The following LYST variants were observed in gnomAD, a reference collection of about 807,000 sequenced individuals.
LYST encodes the protein lysosomal-trafficking regulator.
Under a neutral mutation model 413.6 loss-of-function variants are expected in LYST, and 192 were observed. That is an observed-to-expected ratio of 0.46 (90% CI 0.41 to 0.52). LYST has a LOEUF of 0.52. Among genes scored for constraint, LYST ranks in the 20% least tolerant of loss-of-function variants. The probability of loss-of-function intolerance (pLI) is 0.00; values close to 1 mark genes in which losing one functional copy is unlikely to be tolerated. For missense variants in LYST, 3,815 were observed against 4,499.9 expected, an observed-to-expected ratio of 0.85 and a Z score of 4.35; for synonymous variants, 1,525 against 1,567.3, an observed-to-expected ratio of 0.97 and a Z score of 0.64.
chr1:235,864,545 TC>T (rs1262056097), intron 1 of LYST, among the ~76,000 whole-genome samples: 1 of 152,192 alleles, frequency 6.6e-6, no homozygotes, highest in Non-Finnish European at 1.5e-5. Context: ...GGGCAACAGT[TC>T]CGGATTGGTA....
chr1:235,717,366 G>A (rs181571082), intron 40 of LYST, among the ~76,000 whole-genome samples: 1 of 152,196 alleles, frequency 6.6e-6, no homozygotes, highest in Non-Finnish European at 1.5e-5. Flanking sequence ...TGTAGAGTAT[G>A]TATGCATGCG....
rs764206410 is a variant in LYST, at chr1:235,808,992, T to A, written c.1826A>T (p.Gln609Leu). The change falls in exon 5 of 53, where the codon CAG becomes CTG. Residue 609 changes from glutamine (Q) to leucine (L), a missense_variant. Coordinates refer to ENST00000389793, the MANE Select transcript of LYST (RefSeq NM_000081.4). ...FKLPALKNFQ[Q>L]HILNILNKLI... ...TTTGTTAAGGATATTCAATATATGC[T>A]GCTGAAAATTTTTCAGTGCTGGCAA... is the stretch of plus-strand genomic sequence containing the variant. 2.5e-6 allele frequency: 4 copies of A among 1,613,982 alleles called. No homozygotes were observed. Among genetic ancestry groups the A allele is most frequent in the East Asian group, 2.2e-5 (1 of 44,896 alleles).
chr1:235,809,263 G>T lies in LYST; in HGVS notation c.1555C>A (p.Leu519Ile). The T allele has an allele frequency of 6.2e-7, 1 of 1,614,002 alleles. No homozygotes were observed. Among genetic ancestry groups the T allele is most frequent in the Non-Finnish European group, 8.5e-7 (1 of 1,179,940 alleles). ...TGGTTTTTAAAAGCCGAAACCAGAA[G>T]ACCTGAGAGATCTCGGTGATGATGC... Reference protein sequence around the residue: ...FMHHHRDLSGLLVSAFKNQVS... With the variant: ...FMHHHRDLSGILVSAFKNQVS... The change falls in exon 5 of 53, where the codon CTT becomes ATT. Residue 519 changes from leucine (L) to isoleucine (I), a missense_variant. By Grantham distance (5) the Leu-to-Ile change is conservative (BLOSUM62 2). Around this residue, in one of 4 missense-constraint regions of LYST, gnomAD observed 1,648 missense variants for 1,810.3 expected, o/e 0.91. Coordinates refer to ENST00000389793, the MANE Select transcript of LYST (RefSeq NM_000081.4). The surrounding 1 kb of genome is among the most constrained non-coding windows in gnomAD (Gnocchi z 4.0).
rs187072542 is a variant in LYST, at chr1:235,793,832, T to A, written c.4007-220A>T. Reference sequence around the variant, plus strand: ...AAAAACCACTTTTCTTTTTATTATTTTTATTATTATTATTATTTTAGACAG... The same window carrying A: ...AAAAACCACTTTTCTTTTTATTATTATTATTATTATTATTATTTTAGACAG... On this transcript the variant is annotated intron_variant, in intron 10 of 52. Transcript: ENST00000389793. Among the ~76,000 whole-genome samples, 807 of 151,958 alleles carry A rather than the reference T, an allele frequency of 5.3e-3. 4 individuals are homozygous for A. The highest frequency in any genetic ancestry group is 9.6e-3 in the Non-Finnish European group (654 of 67,940).
At chr1:235,754,470 C>T (rs370867099) in intron 25 of LYST, among the ~76,000 whole-genome samples, 1 of 152,006 alleles carries the variant, frequency 6.6e-6, no homozygotes, top group Non-Finnish European at 1.5e-5. Flanking sequence ...GGTGATCCAC[C>T]TGCCTCTGCC....
intron 1 of LYST, among the ~76,000 whole-genome samples, chr1:235,850,941 T>A (rs1372049696): frequency 6.6e-6 from 1 of 152,162 alleles, no homozygotes; most frequent in Non-Finnish European, 1.5e-5. Flanking sequence ...TGTAAACTAG[T>A]ACAGCCTCTA....
intron 32 of LYST, 81 bp downstream of exon 32, chr1:235,734,402 C>T (rs1664640488): frequency 9.5e-7 from 1 of 1,055,760 alleles, no homozygotes; most frequent in Admixed American, 1.7e-5. Flanking sequence ...CAATGATAGC[C>T]TGTTCTTAAA....
At chr1:235,788,601 T>C (rs1670673494) in intron 13 of LYST, 100 bp downstream of exon 13, 18 of 1,089,874 alleles carry the variant, frequency 1.7e-5, no homozygotes, top group Non-Finnish European at 2.5e-5. Context: ...CTTTTTGTTT[T>C]GCTATAATGA....
chr1:235,787,560 C>T (rs1272659354), intron 13 of LYST, among the ~76,000 whole-genome samples, 187 bp from the exon 14 acceptor site: 1 of 151,920 alleles, frequency 6.6e-6, no homozygotes, highest in African/African-American at 2.4e-5. Flanking sequence ...CTATCATTAC[C>T]TCAATTCATG....
chr1:235,715,451 T>A, intron 41 of LYST, 94 bp from the exon 42 acceptor site: 1 of 1,210,304 alleles, frequency 8.3e-7, no homozygotes, highest in Non-Finnish European at 1.2e-6. Context: ...CCTTCTCTAC[T>A]ACCCCTTTGA....
At chr1:235,766,883 G>A (rs1195756107) in intron 20 of LYST, among the ~76,000 whole-genome samples, 2 of 151,890 alleles carry the variant, frequency 1.3e-5, no homozygotes, top group East Asian at 1.9e-4. Flanking sequence ...GACAAAACTC[G>A]TTATACTAAT....
intron 50 of LYST, among the ~76,000 whole-genome samples, chr1:235,671,966 G>GGAGAAGT (rs1658977676): frequency 2.6e-5 from 4 of 152,172 alleles, no homozygotes; most frequent in African/African-American, 9.6e-5. Context: ...TGTTAGGGTA[G>GGAGAAGT]GAGAAGTTAG....
At chr1:235,818,678 G>A (rs943205864) in intron 3 of LYST, among the ~76,000 whole-genome samples, 5 of 151,376 alleles carry the variant, frequency 3.3e-5, no homozygotes, top group Admixed American at 1.3e-4. Context: ...ATATCTTTCC[G>A]GTAGAGTCCT....
chr1:235,792,210 TACAAAC>T, intron 11 of LYST, 85 bp from the exon 12 acceptor site: 1 of 848,836 alleles, frequency 1.2e-6, no homozygotes, highest in East Asian at 2.6e-5. Context: ...TAAATGAAAA[TACAAAC>T]ATACCCACAC....
chr1:235,760,198 T>C (rs897797666), intron 22 of LYST, among the ~76,000 whole-genome samples: 8 of 152,064 alleles, frequency 5.3e-5, no homozygotes, highest in African/African-American at 1.9e-4. Flanking sequence ...CCAAGGTAAA[T>C]CACTTAATTG....
Position 235,854,150 on chromosome 1 carries a change from C to T in LYST, c.-98+12693G>A, listed in dbSNP as rs141199224. On this transcript the variant is annotated intron_variant, in intron 1 of 52. Coordinates refer to ENST00000389793, the MANE Select transcript of LYST (RefSeq NM_000081.4). This position sits in a 1 kb window ranked among gnomAD's most constrained non-coding sequence, Gnocchi z 4.1. ...ATGATGATAATCTGGCTAACACCTA[C>T]AGTGATTAATTACTACACATCAGGC... Among the ~76,000 whole-genome samples the T allele has an allele frequency of 1.5e-4, 23 of 152,268 alleles. No individual in the cohort carries two copies. Among genetic ancestry groups the T allele is most frequent in the African/African-American group, 5.5e-4 (23 of 41,538 alleles).
At chr1:235,838,168 C>G (rs1042155691) in intron 1 of LYST, among the ~76,000 whole-genome samples, 1 of 152,144 alleles carries the variant, frequency 6.6e-6, no homozygotes, top group East Asian at 1.9e-4. Context: ...AACAGCAAGA[C>G]TGCCAGCTGA....
intron 28 of LYST, among the ~76,000 whole-genome samples, chr1:235,750,956 T>C (rs928235019): frequency 1.3e-5 from 2 of 152,346 alleles, no homozygotes; most frequent in Middle Eastern, 6.8e-3. Flanking sequence ...AGGGGCAGAA[T>C]CTGTGTCTGT....
At chr1:235,779,407 A>C (rs1291555072) in intron 16 of LYST, among the ~76,000 whole-genome samples, 1 of 152,224 alleles carries the variant, frequency 6.6e-6, no homozygotes, top group Non-Finnish European at 1.5e-5. Context: ...TATTGAGTTA[A>C]AGTTATTACT....
Sources: gnomAD v4.1 joint callset for allele counts (sites outside exome capture counted in the v4.1 genomes callset) on GRCh38, gnomAD v4.1.1 for gene constraint, gnomAD v4.1.1 regional missense constraint, Gnocchi (gnomAD v3.1) non-coding constraint, MANE v1.5 for transcripts, NCBI Gene and HGNC (gene_info 2026-07-23, HGNC 2026-07-21) for gene names.